NINJ2: variants seen among roughly 807,000 people sequenced by gnomAD.
The protein encoded by NINJ2 is ninjurin-2.
Under a neutral mutation model 11.7 loss-of-function variants are expected in NINJ2, and 12 were observed. The observed-to-expected ratio is 1.02, with a 90% CI of 0.66 to 1.66. The LOEUF (loss-of-function observed/expected upper bound fraction) is 1.66, where lower values mean the gene tolerates loss of function less well. NINJ2 is among the 40% of genes most tolerant of loss of function. NINJ2 has a pLI of 0.00. For synonymous variants in NINJ2, 93 were observed against 76.8 expected, an observed-to-expected ratio of 1.21 and a Z score of -1.10; for missense variants, 187 against 181.8, an observed-to-expected ratio of 1.03 and a Z score of -0.16.
intron 1 of NINJ2, among the ~76,000 whole-genome samples, chr12:609,809 C>T (rs1297103299): frequency 7.1e-6 from 1 of 141,218 alleles, no homozygotes; most frequent in Non-Finnish European, 1.5e-5. Flanking sequence ...ACAACAGCAG[C>T]AATAGGGGAC....
intron 1 of NINJ2, among the ~76,000 whole-genome samples, chr12:661,716 A>T (rs1243481931): frequency 6.6e-6 from 1 of 152,238 alleles, no homozygotes; most frequent in Non-Finnish European, 1.5e-5. Flanking sequence ...ACAACCAAGG[A>T]TCTTATAGAG....
intron 1 of NINJ2, among the ~76,000 whole-genome samples, chr12:572,804 C>A (rs1036049900): frequency 2.0e-5 from 3 of 151,166 alleles, no homozygotes. Flanking sequence ...CAAGATCACA[C>A]AGCACAGAGT....
In NINJ2 at chr12:628,883, T is replaced by C. The variant is rs1015291952; in HGVS notation, c.33+34445A>G. Among the ~76,000 whole-genome samples, 55 of 152,268 alleles carry C rather than the reference T, an allele frequency of 3.6e-4. No individual in the cohort carries two copies. The highest frequency in any genetic ancestry group is 1.0e-3 in the African/African-American group (43 of 41,560). Reference sequence around the variant, plus strand: ...GGCAACACCTGGAAATTATCCTATATGGTCTAAAAGAAGGAGGAGTCCTCA... The same window carrying C: ...GGCAACACCTGGAAATTATCCTATACGGTCTAAAAGAAGGAGGAGTCCTCA... On this transcript the variant is annotated intron_variant, in intron 1 of 3. Coordinates refer to ENST00000305108, the MANE Select transcript of NINJ2 (RefSeq NM_016533.6). The surrounding 1 kb of genome is among the most constrained non-coding windows in gnomAD (Gnocchi z 4.4).
chr12:658,708 AT>A (rs1937910686), intron 1 of NINJ2, among the ~76,000 whole-genome samples: 3 of 84,166 alleles, frequency 3.6e-5, no homozygotes, highest in Admixed American at 1.3e-4. Flanking sequence ...ATGCTATGCT[AT>A]GCTATGCTAT....
At chr12:641,502 G>A (rs1273892256) in intron 1 of NINJ2, among the ~76,000 whole-genome samples, 3 of 152,184 alleles carry the variant, frequency 2.0e-5, no homozygotes, top group African/African-American at 7.2e-5. Context: ...TGGAAGTCAG[G>A]AAAGAATTCC....
At chr12:627,121 T>C (rs1369365144) in intron 1 of NINJ2, among the ~76,000 whole-genome samples, 1 of 152,164 alleles carries the variant, frequency 6.6e-6, no homozygotes, top group Non-Finnish European at 1.5e-5. Flanking sequence ...TGTAAAGTGC[T>C]AAATACAGTA....
intron 1 of NINJ2, among the ~76,000 whole-genome samples, chr12:600,461 C>T (rs988333845): frequency 6.6e-6 from 1 of 151,982 alleles, no homozygotes; most frequent in Non-Finnish European, 1.5e-5. Flanking sequence ...GAGGCTGAGG[C>T]GGGAGAATCA....
intron 1 of NINJ2, among the ~76,000 whole-genome samples, chr12:569,171 G>A (rs982468053): frequency 5.3e-5 from 8 of 152,196 alleles, no homozygotes; most frequent in Non-Finnish European, 8.8e-5. Flanking sequence ...GCCACACACG[G>A]CGTTCAGGGC....
chr12:599,257 G>A (rs983359838), intron 1 of NINJ2, among the ~76,000 whole-genome samples: 27 of 151,730 alleles, frequency 1.8e-4, no homozygotes, highest in Admixed American at 1.2e-3. Context: ...GGTGGCAGGC[G>A]CCTGTAATCC....
chr12:605,028 C>T (rs969602723), intron 1 of NINJ2, among the ~76,000 whole-genome samples: 2 of 152,188 alleles, frequency 1.3e-5, no homozygotes, highest in African/African-American at 2.4e-5. Context: ...CCTCAGCACT[C>T]AGTGTGTGAT....
At chr12:593,927 A>G (rs1222645786) in intron 1 of NINJ2, among the ~76,000 whole-genome samples, 1 of 152,234 alleles carries the variant, frequency 6.6e-6, no homozygotes, top group Admixed American at 6.5e-5. Flanking sequence ...AAGAAATGAT[A>G]GAGGGAAACT....
chr12:573,605 A>C (rs1592070441), intron 1 of NINJ2, among the ~76,000 whole-genome samples: 2 of 148,476 alleles, frequency 1.3e-5, no homozygotes, highest in South Asian at 4.2e-4. Context: ...AAAACAAAAA[A>C]CAAACAAACA....
chr12:601,552 A>C (rs1460829101), intron 1 of NINJ2, among the ~76,000 whole-genome samples: 2 of 146,838 alleles, frequency 1.4e-5, no homozygotes, highest in African/African-American at 5.1e-5. Flanking sequence ...CCGTCTCAAA[A>C]AAAAAAAAAA....
At chr12:621,918 G>T (rs1004383061) in intron 1 of NINJ2, among the ~76,000 whole-genome samples, 4 of 151,964 alleles carry the variant, frequency 2.6e-5, no homozygotes, top group African/African-American at 9.7e-5. Flanking sequence ...TGGATCACAA[G>T]GTCAGGAGTT....
intron 1 of NINJ2, among the ~76,000 whole-genome samples, chr12:573,306 C>T (rs1049173261): frequency 1.3e-5 from 2 of 151,986 alleles, no homozygotes; most frequent in Admixed American, 6.6e-5. Context: ...GGATTATAGG[C>T]GTGAGCCACC....
chr12:613,741 T>C (rs1011117090), intron 1 of NINJ2, among the ~76,000 whole-genome samples: 1 of 151,786 alleles, frequency 6.6e-6, no homozygotes, highest in Non-Finnish European at 1.5e-5. Context: ...CCGTCTCTAC[T>C]AAAAATTCAA....
chr12:653,170 G>T (rs371336809), intron 1 of NINJ2, among the ~76,000 whole-genome samples: 1 of 151,222 alleles, frequency 6.6e-6, no homozygotes, highest in South Asian at 2.1e-4. Context: ...ACAGGCACCC[G>T]CCACCATGCC....
At position 577,893 on chromosome 12, in the gene NINJ2, C is replaced by T. The variant is rs185742697; in HGVS notation, c.34-11715G>A. On this transcript the variant is annotated intron_variant, in intron 1 of 3. Coordinates refer to ENST00000305108, the MANE Select transcript of NINJ2 (RefSeq NM_016533.6). ...CTTTTATTTTTATTTTTTTTTAAGA[C>T]AGGATCTCCCTCTGTCACCCTAAGG... is the stretch of plus-strand genomic sequence containing the variant. Among the ~76,000 whole-genome samples, 13 of 151,780 alleles carry T rather than the reference C, an allele frequency of 8.6e-5. No individual in the cohort carries two copies. The East Asian group carries it at 2.1e-3, about 25-fold the overall frequency.
intron 1 of NINJ2, among the ~76,000 whole-genome samples, chr12:626,652 C>T (rs1038841087): frequency 6.6e-6 from 1 of 152,124 alleles, no homozygotes; most frequent in Non-Finnish European, 1.5e-5. Flanking sequence ...ACAATGGAGT[C>T]AGGGTGCCTG....
Sources: gnomAD v4.1 joint callset for allele counts (sites outside exome capture counted in the v4.1 genomes callset) on GRCh38, gnomAD v4.1.1 for gene constraint, Gnocchi (gnomAD v3.1) non-coding constraint, MANE v1.5 for transcripts, NCBI Gene and HGNC (gene_info 2026-07-23, HGNC 2026-07-21) for gene names.